Variants in LRBA observed in about 807,000 individuals in gnomAD.
LRBA encodes lipopolysaccharide-responsive and beige-like anchor protein.
Under a neutral mutation model 330.0 loss-of-function variants are expected in LRBA, and 176 were observed. That is an observed-to-expected ratio of 0.53 (90% CI 0.47 to 0.60). LRBA has a LOEUF of 0.60. LRBA is among the 20% of genes least tolerant of loss of function. The probability of loss-of-function intolerance (pLI) is 0.00; values close to 1 mark genes in which losing one functional copy is unlikely to be tolerated. For synonymous variants in LRBA, 1,230 were observed against 1,193.0 expected (o/e 1.03, Z -0.64); for missense variants, 3,259 against 3,444.8 (o/e 0.95, Z 1.35).
chr4:150,843,152 G>C (rs1052536402), intron 28 of LRBA, among the ~76,000 whole-genome samples: 1 of 152,086 alleles, frequency 6.6e-6, no homozygotes, highest in African/African-American at 2.4e-5. Context: ...TGGTCTGGGG[G>C]TTGGGGACCC....
chr4:150,395,808 T>C (rs1453057711), intron 47 of LRBA, among the ~76,000 whole-genome samples: 1 of 152,196 alleles, frequency 6.6e-6, no homozygotes, highest in East Asian at 1.9e-4. Context: ...ATATGGCACT[T>C]GTCAAATATC....
intron 35 of LRBA, among the ~76,000 whole-genome samples, chr4:150,736,171 T>A (rs1248220942): frequency 1.3e-5 from 2 of 152,158 alleles, no homozygotes; most frequent in African/African-American, 4.8e-5. Context: ...CCTAAATTAA[T>A]ACAATCGGCC....
intron 2 of LRBA, among the ~76,000 whole-genome samples, chr4:150,981,010 G>A (rs766694073): frequency 2.0e-5 from 3 of 151,806 alleles, no homozygotes; most frequent in East Asian, 1.9e-4. Context: ...CCATGTTCAC[G>A]GATTGCAAGA....
intron 47 of LRBA, among the ~76,000 whole-genome samples, chr4:150,371,225 C>T (rs1307944061): frequency 1.7e-5 from 2 of 114,382 alleles, no homozygotes; most frequent in African/African-American, 7.4e-5. Flanking sequence ...CAGAGTCTCA[C>T]TCTGTCACCC....
intron 40 of LRBA, among the ~76,000 whole-genome samples, chr4:150,543,634 C>A (rs1487308098): frequency 2.0e-5 from 3 of 152,052 alleles, no homozygotes; most frequent in African/African-American, 7.2e-5. Context: ...GCAATTGGAT[C>A]AATCCCAGAA....
chr4:150,898,168 A>G (rs1255669223), intron 14 of LRBA, among the ~76,000 whole-genome samples: 4 of 152,262 alleles, frequency 2.6e-5, no homozygotes, highest in South Asian at 2.1e-4. Flanking sequence ...GTAAGGTAAC[A>G]GAAGTTTACA....
At chr4:150,742,341 T>G (rs1732124929) in intron 35 of LRBA, among the ~76,000 whole-genome samples, 1 of 151,892 alleles carries the variant, frequency 6.6e-6, no homozygotes, top group Non-Finnish European at 1.5e-5. Flanking sequence ...AGAGACAGGG[T>G]CTCACTATGT....
intron 19 of LRBA, among the ~76,000 whole-genome samples, chr4:150,871,010 G>C (rs1553987423): frequency 6.6e-6 from 1 of 152,178 alleles, no homozygotes; most frequent in Non-Finnish European, 1.5e-5. Context: ...TTGGGAGGCT[G>C]AAGTGGGTAG....
intron 46 of LRBA, among the ~76,000 whole-genome samples, chr4:150,432,453 C>CTTTTTTTTTTTTTTTTTTTTTTTTTTTTT (rs35393002): frequency 1.0e-5 from 1 of 98,438 alleles, no homozygotes; most frequent in Non-Finnish European, 1.8e-5. Context: ...TAAGTGTGTT[C>CTTTTTTTTTTTTTTTTTTTTTTTTTTTTT]TTTTTTTTTT....
chr4:151,005,884 G>C (rs1052866312), intron 2 of LRBA, among the ~76,000 whole-genome samples: 1 of 151,956 alleles, frequency 6.6e-6, no homozygotes, highest in African/African-American at 2.4e-5. Flanking sequence ...ACTTACAGAC[G>C]TGAGCCACCA....
chr4:150,595,520 G>A (rs1018546529), intron 38 of LRBA, among the ~76,000 whole-genome samples: 1 of 151,830 alleles, frequency 6.6e-6, no homozygotes. Flanking sequence ...TAGCAAGCAC[G>A]TTCTCTACCA....
intron 36 of LRBA, among the ~76,000 whole-genome samples, chr4:150,725,852 T>C (rs529588962): frequency 1.3e-5 from 2 of 152,132 alleles, no homozygotes. Context: ...AGTTACAGCA[T>C]AGAGTTTTTA....
chr4:150,847,851 G>A (rs187203061), intron 26 of LRBA, among the ~76,000 whole-genome samples: 1 of 152,176 alleles, frequency 6.6e-6, no homozygotes, highest in African/African-American at 2.4e-5. Flanking sequence ...GAGATTTCAT[G>A]ATTTTATTAA....
chr4:150,321,162 A>T lies in LRBA; in HGVS notation c.7630+29T>A, dbSNP rs1732455705. The T allele has an allele frequency of 6.3e-7, 1 of 1,589,272 alleles. No homozygotes were observed. The highest frequency in any genetic ancestry group is 1.4e-5 in the African/African-American group (1 of 73,984). On this transcript the variant is annotated intron_variant, in intron 50 of 56. Transcript: ENST00000651943. The surrounding 1 kb of genome is among the most constrained non-coding windows in gnomAD (Gnocchi z 4.5). ...TATTACACAGTGTTCAGCAGTTACC[A>T]TGCCTTATAATGGTATTTCTTTACT...
chr4:150,644,861 T>G (rs955665097), intron 37 of LRBA, among the ~76,000 whole-genome samples: 2 of 151,846 alleles, frequency 1.3e-5, no homozygotes, highest in African/African-American at 4.8e-5. Flanking sequence ...ATTGAACAAC[T>G]TACAAAGTTT....
chr4:150,382,145 T>C (rs1742360751), intron 47 of LRBA, among the ~76,000 whole-genome samples: 1 of 152,238 alleles, frequency 6.6e-6, no homozygotes, highest in Admixed American at 6.5e-5. Context: ...TATTTATTTT[T>C]GTTTTTGAGG....
At chr4:150,724,152 C>G (rs2127093487) in intron 36 of LRBA, among the ~76,000 whole-genome samples, 1 of 152,286 alleles carries the variant, frequency 6.6e-6, no homozygotes, top group South Asian at 2.1e-4. Flanking sequence ...AGGGAAGAAA[C>G]TGGGGCAAGA....
intron 48 of LRBA, among the ~76,000 whole-genome samples, chr4:150,339,563 A>T (rs1373011117): frequency 6.6e-6 from 1 of 152,174 alleles, no homozygotes; most frequent in East Asian, 1.9e-4. Context: ...TTTTTAGAAT[A>T]TAGAAAGAGG....
chr4:150,676,804 C>A (rs1782600134), intron 37 of LRBA, among the ~76,000 whole-genome samples: 1 of 152,116 alleles, frequency 6.6e-6, no homozygotes, highest in Non-Finnish European at 1.5e-5. Context: ...TCAAGCACCC[C>A]CAAACTACAA....
Sources: allele counts gnomAD v4.1 joint callset (sites outside exome capture counted in the v4.1 genomes callset), GRCh38; gene constraint gnomAD v4.1.1; non-coding constraint Gnocchi (gnomAD v3.1); transcripts MANE v1.5; gene names NCBI Gene and HGNC (gene_info 2026-07-23, HGNC 2026-07-21).